Variants in TP53BP1 observed in about 807,000 individuals in gnomAD.
The protein encoded by TP53BP1 is tumor protein p53 binding protein 1.
In TP53BP1, 61 loss-of-function variants were observed where a neutral mutation model predicts 200.8. The observed-to-expected ratio is 0.30, with a 90% CI of 0.25 to 0.38. TP53BP1 has a LOEUF of 0.38. TP53BP1 is among the 10% of genes least tolerant of loss of function. The pLI, the probability that TP53BP1 is intolerant of heterozygous loss-of-function variation, is 1.00. For missense variants in TP53BP1, 2,144 were observed against 2,371.9 expected, an observed-to-expected ratio of 0.90 and a Z score of 2.00; for synonymous variants, 822 against 844.3, an observed-to-expected ratio of 0.97 and a Z score of 0.46.
Position 43,420,539 on chromosome 15 carries a change from C to G in TP53BP1, c.4447G>C (p.Asp1483His). 6.2e-7 allele frequency: 1 copy of G among 1,614,196 alleles called. No individual in the cohort carries two copies. The highest frequency in any genetic ancestry group is 1.1e-5 in the South Asian group (1 of 91,084). The change falls in exon 21 of 28, where the codon GAT becomes CAT. Residue 1483 changes from aspartate (D) to histidine (H), a missense_variant. Physicochemically the swap from Asp to His is moderately conservative, Grantham distance 81. Coordinates refer to ENST00000382044, the MANE Select transcript of TP53BP1 (RefSeq NM_001141980.3). ...QAAAGPSDGL[D>H]ASSPGNSFVG... ...AAGCTATTTCCTGGAGAGGAGGCATCTAAGCCATCAGAAGGGCCAGCAGCA... is the reference window on the plus strand; with the variant it reads ...AAGCTATTTCCTGGAGAGGAGGCATGTAAGCCATCAGAAGGGCCAGCAGCA...
intron 15 of TP53BP1, among the ~76,000 whole-genome samples, chr15:43,439,867 T>C (rs868019109): frequency 1.3e-5 from 2 of 152,224 alleles, no homozygotes; most frequent in African/African-American, 4.8e-5. Context: ...AACTTATTCC[T>C]GGCCAAAAAT....
At chr15:43,484,056 C>T (rs1290773256) in intron 4 of TP53BP1, among the ~76,000 whole-genome samples, 1 of 152,190 alleles carries the variant, frequency 6.6e-6, no homozygotes, top group Non-Finnish European at 1.5e-5. Context: ...ACACATCCAG[C>T]TGGTTGTTGA....
Position 43,416,310 on chromosome 15 carries a change from C to T in TP53BP1, c.4788G>A (p.Glu1596=). 1.9e-6 allele frequency: 3 copies of T among 1,614,226 alleles called. No homozygotes were observed. Among genetic ancestry groups the T allele is most frequent in the South Asian group, 2.2e-5 (2 of 91,090 alleles). The change falls in exon 22 of 28, where the codon GAG becomes GAA. Residue 1596 remains glutamate, a synonymous_variant. Transcript: ENST00000382044. ...YKRMAVILSL[E]QGNRLREQYG... ...ACTGCTCTCTCAGTCTGTTTCCTTGCTCCAAGGACAGGATGACAGCCATTC... is the reference window on the plus strand; with the variant it reads ...ACTGCTCTCTCAGTCTGTTTCCTTGTTCCAAGGACAGGATGACAGCCATTC...
chr15:43,413,986 G>A lies in TP53BP1; in HGVS notation c.5090-652C>T, dbSNP rs2045199913. The stretch of plus-strand genomic sequence containing the variant: ...AACACCTGGGTAAGTAAGTGAACCA[G>A]CCAGCCAGAACACCCATGCCAAGAG... On this transcript the variant is annotated intron_variant, in intron 23 of 27. Transcript: ENST00000382044. 7 of 379,398 alleles carry A rather than the reference G, an allele frequency of 1.8e-5. 1 individual carries two copies. The highest frequency in any genetic ancestry group is 1.4e-4 in the South Asian group (7 of 49,296). 23.5% of individuals were successfully genotyped at this position (379,398 alleles called of 1,614,324 possible). A position where few individuals can be genotyped will look rare whatever the true frequency, so the allele number is the denominator to read the frequency against.
intron 1 of TP53BP1, among the ~76,000 whole-genome samples, chr15:43,502,100 G>A (rs903471404): frequency 2.0e-5 from 3 of 152,070 alleles, no homozygotes; most frequent in Admixed American, 6.6e-5. Flanking sequence ...TGAGAGGTTC[G>A]CTTGAGCCAG....
chr15:43,507,096 G>A lies in TP53BP1; in HGVS notation c.-9+3274C>T, dbSNP rs1377513029. Reference sequence around the variant, plus strand: ...TGTACTTTCACTTCAATAAATCTATGCTTTCATCTTCCATTGGTTTGTTTG... The same window carrying A: ...TGTACTTTCACTTCAATAAATCTATACTTTCATCTTCCATTGGTTTGTTTG... On this transcript the variant is annotated intron_variant, in intron 1 of 27. Coordinates refer to the TP53BP1 transcript ENST00000263801. Among the ~76,000 whole-genome samples the A allele has an allele frequency of 2.0e-5, 3 of 151,850 alleles. No homozygotes were observed. In the East Asian group the frequency reaches 5.8e-4, roughly 29 times the overall value.
chr15:43,506,847 T>C (rs1046030979), intron 1 of TP53BP1, among the ~76,000 whole-genome samples: 6 of 152,128 alleles, frequency 3.9e-5, no homozygotes, highest in African/African-American at 9.7e-5. Flanking sequence ...CAGCCTCTGA[T>C]TGGTGGGAGC....
chr15:43,403,184 A>G lies in TP53BP1; in HGVS notation c.*4199T>C, dbSNP rs1062931. On this transcript the variant is annotated 3_prime_UTR_variant, in exon 28 of 28. Transcript: ENST00000382044. ...CTAGTTGGAAAAACAAGACATATAT[A>G]TATATATACATACAAAAATCAGTAA... The G allele has an allele frequency of 6.6e-6, 1 of 152,386 alleles. No individual in the cohort carries two copies. The highest frequency in any genetic ancestry group is 1.5e-5 in the Non-Finnish European group (1 of 68,186). The allele number at this position is 152,386 out of a possible 1,614,324, so 9.4% of individuals were successfully genotyped here.
intron 1 of TP53BP1, among the ~76,000 whole-genome samples, chr15:43,507,983 G>T (rs2140189111): frequency 6.6e-6 from 1 of 152,282 alleles, no homozygotes; most frequent in Middle Eastern, 3.4e-3. Flanking sequence ...CCAAACAGCT[G>T]GGATTACAGA....
intron 16 of TP53BP1, among the ~76,000 whole-genome samples, chr15:43,436,590 T>G (rs954049891): frequency 6.6e-6 from 1 of 151,368 alleles, no homozygotes; most frequent in African/African-American, 2.4e-5. Flanking sequence ...TCATCCCACT[T>G]CAGTCTTCCA....
At chr15:43,510,127 T>C (rs1275903605) in intron 1 of TP53BP1, among the ~76,000 whole-genome samples, 2 of 128,982 alleles carry the variant, frequency 1.6e-5, no homozygotes, top group Non-Finnish European at 3.1e-5. Context: ...GTCAACCCCT[T>C]CTTTGGTGCA....
intron 14 of TP53BP1, among the ~76,000 whole-genome samples, chr15:43,446,108 T>A (rs2046035769): frequency 6.6e-6 from 1 of 152,142 alleles, no homozygotes; most frequent in African/African-American, 2.4e-5. Context: ...GAATCCACAG[T>A]CCTAAAGTTT....
In TP53BP1 at chr15:43,405,283, C is replaced by T. The variant is rs1465841189; in HGVS notation, c.*2100G>A. The T allele has an allele frequency of 6.5e-7, 1 of 1,536,562 alleles. No individual in the cohort carries two copies. On this transcript the variant is annotated 3_prime_UTR_variant, in exon 28 of 28. Coordinates refer to ENST00000382044, the MANE Select transcript of TP53BP1 (RefSeq NM_001141980.3). ...GTTGTAACAGAAGATTCAAAACATC[C>T]CATTCTAGCCACACACAAATAAATA...
At chr15:43,495,773 C>T (rs142640407), upstream of TP53BP1, among the ~76,000 whole-genome samples, 702 of 147,116 alleles carry the variant, frequency 4.8e-3, 24 homozygotes, top group East Asian at 0.1. Flanking sequence ...GCAGAGATCG[C>T]GCCACTGCAC....
Position 43,452,102 on chromosome 15 carries a change from T to C in TP53BP1, c.2716+3790A>G, listed in dbSNP as rs570870576. 5.2e-4 allele frequency among the ~76,000 whole-genome samples: 79 copies of C among 152,300 alleles called. 1 individual carries two copies. The East Asian group carries it at 0.015, about 29-fold the overall frequency. ...GTGAGCCGAGATCATGTCACTGCACTCCAGCCTGGGCGACAGAGCAAGACT... is the reference window on the plus strand; with the variant it reads ...GTGAGCCGAGATCATGTCACTGCACCCCAGCCTGGGCGACAGAGCAAGACT... On this transcript the variant is annotated intron_variant, in intron 12 of 27. Coordinates refer to ENST00000382044, the MANE Select transcript of TP53BP1 (RefSeq NM_001141980.3).
intron 4 of TP53BP1, among the ~76,000 whole-genome samples, chr15:43,484,454 C>T (rs1339242730): frequency 1.3e-5 from 2 of 152,206 alleles, no homozygotes; most frequent in African/African-American, 4.8e-5. Flanking sequence ...GCCAGAGTGA[C>T]TCTGTTAAAA....
intron 8 of TP53BP1, among the ~76,000 whole-genome samples, chr15:43,476,379 C>A (rs780710179): frequency 6.6e-6 from 1 of 152,202 alleles, no homozygotes; most frequent in African/African-American, 2.4e-5. Context: ...TTTATTCCAA[C>A]GTCTACCTTA....
rs1362023927 is a variant in TP53BP1, at chr15:43,405,286, T to G, written c.*2097A>C. 3.9e-6 allele frequency: 6 copies of G among 1,536,314 alleles called. No homozygotes were observed. The highest frequency in any genetic ancestry group is 5.4e-6 in the Non-Finnish European group (6 of 1,110,144). On this transcript the variant is annotated 3_prime_UTR_variant, in exon 28 of 28. Coordinates refer to ENST00000382044, the MANE Select transcript of TP53BP1 (RefSeq NM_001141980.3). ...GTAACAGAAGATTCAAAACATCCCA[T>G]TCTAGCCACACACAAATAAATATCT...
At chr15:43,482,911 CAGAAAAA>C (rs2078994629) in intron 4 of TP53BP1, among the ~76,000 whole-genome samples, 1 of 152,092 alleles carries the variant, frequency 6.6e-6, no homozygotes, top group South Asian at 2.1e-4. Flanking sequence ...GCCTGGGCAA[CAGAAAAA>C]GAGTCTGTCT....
Sources: gnomAD v4.1 joint callset for allele counts (sites outside exome capture counted in the v4.1 genomes callset) on GRCh38, gnomAD v4.1.1 for gene constraint, MANE v1.5 for transcripts, NCBI Gene and HGNC (gene_info 2026-07-23, HGNC 2026-07-21) for gene names.